TAFA1: variants seen among roughly 807,000 people sequenced by gnomAD.
TAFA1 encodes the protein chemokine-like protein TAFA-1.
A neutral mutation model predicts 18.5 loss-of-function variants in TAFA1; 4 were observed. The ratio of observed to expected loss-of-function variants is 0.22; its 90% CI spans 0.11 to 0.49. The LOEUF (loss-of-function observed/expected upper bound fraction) is 0.49, where lower values mean the gene tolerates loss of function less well. Ranked by LOEUF, TAFA1 falls within the 20% of genes least tolerant of loss-of-function variation. The pLI is 0.98. For missense variants in TAFA1, 147 were observed against 169.0 expected, an observed-to-expected ratio of 0.87 and a Z score of 0.72; for synonymous variants, 56 against 55.2, an observed-to-expected ratio of 1.01 and a Z score of -0.06.
In TAFA1 at chr3:68,097,955, C is replaced by A. The variant is rs368303986; in HGVS notation, c.118+91211C>A. Among the ~76,000 whole-genome samples the A allele has an allele frequency of 2.6e-5, 4 of 152,098 alleles. 1 individual carries two copies. The South Asian group carries it at 8.3e-4, about 32-fold the overall frequency. ...AGATCCTACTTCCACATTTGCCAGG[C>A]CTGAAAGTGTTGACAGGTTATTCCT... On this transcript the variant is annotated intron_variant, in intron 2 of 4. Coordinates refer to ENST00000478136, the MANE Select transcript of TAFA1 (RefSeq NM_213609.4).
At chr3:68,097,887 G>A (rs887606680) in intron 2 of TAFA1, among the ~76,000 whole-genome samples, 2 of 152,128 alleles carry the variant, frequency 1.3e-5, no homozygotes, top group African/African-American at 4.8e-5. Context: ...CCACAGCATG[G>A]CACAATAAAA....
At chr3:68,299,009 G>C (rs2107293616) in intron 2 of TAFA1, among the ~76,000 whole-genome samples, 1 of 152,348 alleles carries the variant, frequency 6.6e-6, no homozygotes, top group East Asian at 1.9e-4. Flanking sequence ...ACAGGAAGAT[G>C]TGGGAAAGTT....
At chr3:68,474,242 A>T (rs1428771146) in intron 3 of TAFA1, among the ~76,000 whole-genome samples, 1 of 152,140 alleles carries the variant, frequency 6.6e-6, no homozygotes, top group African/African-American at 2.4e-5. Context: ...CTCAGGATAT[A>T]AGTCTGTATG....
intron 2 of TAFA1, among the ~76,000 whole-genome samples, chr3:68,391,256 A>T (rs1015244490): frequency 2.6e-5 from 4 of 152,158 alleles, no homozygotes; most frequent in African/African-American, 9.7e-5. Flanking sequence ...AGAAGAAAGG[A>T]TATTAGAGAC....
intron 3 of TAFA1, among the ~76,000 whole-genome samples, chr3:68,535,680 C>T (rs569813085): frequency 4.0e-4 from 61 of 152,180 alleles, no homozygotes; most frequent in Non-Finnish European, 7.6e-4. Context: ...ATCCTACTGT[C>T]GACCTAAAGG....
chr3:68,196,091 T>C (rs1425277175), intron 2 of TAFA1, among the ~76,000 whole-genome samples: 1 of 151,794 alleles, frequency 6.6e-6, no homozygotes, highest in East Asian at 1.9e-4. Flanking sequence ...AATCCTCATC[T>C]CAGGACAGGT....
chr3:68,522,986 G>A lies in TAFA1; in HGVS notation c.260-15770G>A, dbSNP rs529204866. 3.3e-5 allele frequency among the ~76,000 whole-genome samples: 5 copies of A among 152,360 alleles called. No homozygotes were observed. In the East Asian group the frequency reaches 9.6e-4, roughly 29 times the overall value. On this transcript the variant is annotated intron_variant, in intron 3 of 4. Coordinates refer to ENST00000478136, the MANE Select transcript of TAFA1 (RefSeq NM_213609.4). ...AGCTACTCAGGAGGCTGAGGCAGGA[G>A]AATTGCTTGAACCCGGGAGGCGGAG...
rs557172405 is a variant in TAFA1, at chr3:68,537,413, C to G, written c.260-1343C>G. ...TGGGGACTCAGTGCATGGCCCAAAA[C>G]AGGTTATGATGGTAAATCAGGTTAT... On this transcript the variant is annotated intron_variant, in intron 3 of 4. Coordinates refer to ENST00000478136, the MANE Select transcript of TAFA1 (RefSeq NM_213609.4). 2.3e-3 allele frequency among the ~76,000 whole-genome samples: 348 copies of G among 152,222 alleles called. 2 individuals carry two copies. Among genetic ancestry groups the G allele is most frequent in the African/African-American group, 7.8e-3 (325 of 41,520 alleles).
At chr3:68,028,230 G>C (rs950853522) in intron 2 of TAFA1, among the ~76,000 whole-genome samples, 1 of 152,084 alleles carries the variant, frequency 6.6e-6, no homozygotes, top group African/African-American at 2.4e-5. Context: ...AGCCTGAAAG[G>C]TGGAGGTTGC....
intron 2 of TAFA1, among the ~76,000 whole-genome samples, chr3:68,137,874 T>C (rs2065626012): frequency 6.6e-6 from 1 of 152,076 alleles, no homozygotes. Flanking sequence ...ACGAAAGATG[T>C]CCAAATCCAT....
chr3:67,999,084 G>A, the TAFA1 span, among the ~76,000 whole-genome samples: 6 of 152,264 alleles, frequency 3.9e-5, no homozygotes, highest in African/African-American at 1.4e-4. Flanking sequence ...CAATACAGTA[G>A]CTATCAACCA....
chr3:68,258,050 T>C (rs1191362452), intron 2 of TAFA1, among the ~76,000 whole-genome samples: 1 of 152,110 alleles, frequency 6.6e-6, no homozygotes, highest in Non-Finnish European at 1.5e-5. Flanking sequence ...TAAGGAGATA[T>C]GGGTGCTGAA....
Position 68,347,565 on chromosome 3 carries a change from A to T in TAFA1, c.119-69715A>T, listed in dbSNP as rs149242506. ...ATATGGTTTCTGTTGCAACTGTGCA[A>T]CTCTGTCATTGCAACATGAAAGCAG... On this transcript the variant is annotated intron_variant, in intron 2 of 4. Coordinates refer to ENST00000478136, the MANE Select transcript of TAFA1 (RefSeq NM_213609.4). 1.5e-4 allele frequency among the ~76,000 whole-genome samples: 23 copies of T among 152,244 alleles called. No individual in the cohort carries two copies. The East Asian group carries it at 3.7e-3, about 24-fold the overall frequency.
At chr3:68,232,380 T>C (rs1207259217) in intron 2 of TAFA1, among the ~76,000 whole-genome samples, 1 of 152,216 alleles carries the variant, frequency 6.6e-6, no homozygotes, top group African/African-American at 2.4e-5. Context: ...TATTGCCCCA[T>C]GTGACAGGAT....
chr3:68,316,590 T>G (rs919463210), intron 2 of TAFA1, among the ~76,000 whole-genome samples: 117 of 152,124 alleles, frequency 7.7e-4, no homozygotes, highest in African/African-American at 2.8e-3. Context: ...GAAAACATAA[T>G]AAAAACCTTT....
chr3:68,099,929 T>C (rs929477792), intron 2 of TAFA1, among the ~76,000 whole-genome samples: 1 of 151,960 alleles, frequency 6.6e-6, no homozygotes, highest in African/African-American at 2.4e-5. Flanking sequence ...TTTTCACCTA[T>C]AAGTGGGAGC....
rs11719373 is a variant in TAFA1 at position 68,404,648 on chromosome 3, T to C, written c.119-12632T>C. Among the ~76,000 whole-genome samples the C allele has an allele frequency of 1.4e-3, 209 of 151,944 alleles. 1 individual carries two copies. Among genetic ancestry groups the C allele is most frequent in the Non-Finnish European group, 2.5e-3 (169 of 67,966 alleles). On this transcript the variant is annotated intron_variant, in intron 2 of 4. Transcript: ENST00000478136. ...CCCGTCTCTACTAAAAACAGAAAAA[T>C]TAGCCAGGCGTGGTGGCAGGTGCCT...
chr3:68,353,591 C>T (rs1454088961), intron 2 of TAFA1, among the ~76,000 whole-genome samples: 8 of 151,906 alleles, frequency 5.3e-5, no homozygotes, highest in Admixed American at 5.3e-4. Flanking sequence ...GCTGTTCATG[C>T]AACAATGGCT....
intron 2 of TAFA1, among the ~76,000 whole-genome samples, chr3:68,163,727 T>G (rs2065951509): frequency 6.6e-6 from 1 of 152,186 alleles, no homozygotes; most frequent in Non-Finnish European, 1.5e-5. Context: ...AAGTACCTGG[T>G]TTGCCATCAG....
Sources: gnomAD v4.1 joint callset for allele counts (sites outside exome capture counted in the v4.1 genomes callset) on GRCh38, gnomAD v4.1.1 for gene constraint, MANE v1.5 for transcripts, NCBI Gene and HGNC (gene_info 2026-07-23, HGNC 2026-07-21) for gene names.